The following AAR2 variants were observed in gnomAD, a reference collection of about 807,000 sequenced individuals.
AAR2 encodes AAR2 splicing factor, also known as protein AAR2 homolog.
AAR2 carries 31 observed loss-of-function variants against 26.9 expected under a neutral mutation model. That is an observed-to-expected ratio of 1.15 (90% CI 0.86 to 1.55). The LOEUF (loss-of-function observed/expected upper bound fraction) is 1.55. Ranked by LOEUF, AAR2 falls within the 40% of genes most tolerant of loss-of-function variation. The probability of loss-of-function intolerance (pLI) is 0.00; values close to 1 mark genes in which losing one functional copy is unlikely to be tolerated. For missense variants in AAR2, 430 were observed against 491.3 expected (o/e 0.88, Z 1.18); for synonymous variants, 188 against 196.1 (o/e 0.96, Z 0.34).
Position 36,240,072 on chromosome 20 carries a change from G to T in AAR2, c.204G>T (p.Pro68=). 4 of 1,614,216 alleles carry T rather than the reference G, an allele frequency of 2.5e-6. No homozygotes were observed. The highest frequency in any genetic ancestry group is 3.4e-6 in the Non-Finnish European group (4 of 1,180,026). ...LHYSSVDKAN[P]KEVGPRMGFF... ...ACAGCTCTGTGGACAAGGCTAATCC[G>T]AAGGAAGTAGGCCCTCGTATGGGTT... The change falls in exon 2 of 4, where the codon CCG becomes CCT. Residue 68 remains proline (P), a synonymous_variant. Coordinates refer to ENST00000320849, the MANE Select transcript of AAR2 (RefSeq NM_001271874.2).
At chr20:36,238,207 C>T (rs1308531253) in intron 1 of AAR2, among the ~76,000 whole-genome samples, 3 of 152,180 alleles carry the variant, frequency 2.0e-5, no homozygotes, top group African/African-American at 7.2e-5. Context: ...GAAAACAGTA[C>T]TTAGCTTTAC....
At chr20:36,255,484 C>T in intron 3 of AAR2, 94 bp from the exon 4 acceptor site, 1 of 1,443,578 alleles carries the variant, frequency 6.9e-7, no homozygotes, top group African/African-American at 1.4e-5. Context: ...TCTACCCGCC[C>T]CAGAAGAGCC....
rs375933541 is a variant in AAR2 at position 36,255,647 on chromosome 20, G to A, written c.1057G>A (p.Ala353Thr). The change falls in exon 4 of 4, where the codon GCT (alanine) becomes ACT (threonine). Residue 353 changes from alanine to threonine, a missense_variant. Physicochemically the swap from Ala to Thr is moderately conservative, Grantham distance 58. Transcript: ENST00000320849. ...TLRKKAEKFQ[A>T]HLTKKFRWDF... ...GAGAAAGAAAGCTGAAAAGTTCCAA[G>A]CTCACCTGACCAAGAAGTTCCGGTG... 6.2e-7 allele frequency: 1 copy of A among 1,614,186 alleles called. No individual in the cohort carries two copies. Among genetic ancestry groups the A allele is most frequent in the Non-Finnish European group, 8.5e-7 (1 of 1,180,030 alleles).
chr20:36,247,960 A>G (rs1161661145), intron 3 of AAR2, among the ~76,000 whole-genome samples: 3 of 152,248 alleles, frequency 2.0e-5, no homozygotes, highest in African/African-American at 4.8e-5. Context: ...TCAGTACAGT[A>G]TTAACCATAA....
intron 3 of AAR2, among the ~76,000 whole-genome samples, chr20:36,253,933 A>C (rs1419982572): frequency 3.3e-5 from 5 of 152,244 alleles, no homozygotes; most frequent in Admixed American, 6.5e-5. Flanking sequence ...TTAAACACAC[A>C]GAGAAAATAA....
chr20:36,247,554 C>CT lies in AAR2; in HGVS notation c.987+2633dup, dbSNP rs1233675241. Among the ~76,000 whole-genome samples, 6 of 150,192 alleles carry CT rather than the reference C, an allele frequency of 4.0e-5. No individual in the cohort carries two copies. In the East Asian group the frequency reaches 7.7e-4, roughly 19 times the overall value. On this transcript the variant is annotated intron_variant, in intron 3 of 3. Coordinates refer to ENST00000320849, the MANE Select transcript of AAR2 (RefSeq NM_001271874.2). ...CCTGGACAGGTTATGCTGTTTCATG[C>CT]TTTTTAAAAAAAAAAATTGTTGTAA...
In AAR2 at chr20:36,256,913, A is replaced by G. The variant is rs2064826609; in HGVS notation, c.*1168A>G. On this transcript the variant is annotated 3_prime_UTR_variant, in exon 4 of 4. Transcript: ENST00000320849. ...TTTTTCCAAGAGCATAATGTACATT[A>G]AAGTCTTCGAGTTGAGACAATCCCC... 1 of 152,672 alleles carries G rather than the reference A, an allele frequency of 6.5e-6. No individual in the cohort carries two copies. The highest frequency in any genetic ancestry group is 1.5e-5 in the Non-Finnish European group (1 of 68,046). The allele number at this position is 152,672 out of a possible 1,614,324, so 9.5% of individuals were successfully genotyped here.
At chr20:36,242,143 C>CTTTTTT (rs11333425) in intron 2 of AAR2, among the ~76,000 whole-genome samples, 6 of 102,046 alleles carry the variant, frequency 5.9e-5, no homozygotes, top group African/African-American at 1.3e-4. Context: ...TGTAGGACTT[C>CTTTTTT]TTTTTTTTTT....
At chr20:36,237,558 C>T (rs1393251897) in intron 1 of AAR2, among the ~76,000 whole-genome samples, 1 of 151,814 alleles carries the variant, frequency 6.6e-6, no homozygotes, top group Non-Finnish European at 1.5e-5. Flanking sequence ...GTGCCAGCTG[C>T]TGGAGATATA....
chr20:36,251,404 T>G (rs1317998301), intron 3 of AAR2, among the ~76,000 whole-genome samples: 1 of 151,978 alleles, frequency 6.6e-6, no homozygotes, highest in Non-Finnish European at 1.5e-5. Flanking sequence ...TGTGTGTAAG[T>G]TATACCACAA....
Position 36,255,987 on chromosome 20 carries a change from T to C in AAR2, c.*242T>C, listed in dbSNP as rs2064818145. 3.8e-6 allele frequency: 2 copies of C among 522,298 alleles called. No individual in the cohort carries two copies. The highest frequency in any genetic ancestry group is 3.2e-5 in the East Asian group (1 of 31,396). The allele number at this position is 522,298 out of a possible 1,614,324, so 32.4% of individuals were successfully genotyped here. A position where few individuals can be genotyped will look rare whatever the true frequency, so the allele number is the denominator to read the frequency against. ...AGCCAGGCCTTGGTGCTAACCTGGC[T>C]GAATTTCACACAGGCTCTTACACAC... is the stretch of plus-strand genomic sequence containing the variant. On this transcript the variant is annotated 3_prime_UTR_variant, in exon 4 of 4. Coordinates refer to ENST00000320849, the MANE Select transcript of AAR2 (RefSeq NM_001271874.2).
At chr20:36,239,785 C>G in intron 1 of AAR2, 36 bp from the exon 2 acceptor site, 1 of 1,467,288 alleles carries the variant, frequency 6.8e-7, no homozygotes, top group South Asian at 1.4e-5. Context: ...ATCTTTCCCC[C>G]ACGTTCTGAT....
intron 3 of AAR2, among the ~76,000 whole-genome samples, chr20:36,252,129 A>G (rs563383117): frequency 6.6e-6 from 1 of 152,182 alleles, no homozygotes; most frequent in Non-Finnish European, 1.5e-5. Context: ...TGAGCAGTTC[A>G]TGTCACAAGG....
chr20:36,239,685 A>T, intron 1 of AAR2, 136 bp from the exon 2 acceptor site: 1 of 704,648 alleles, frequency 1.4e-6, no homozygotes, highest in South Asian at 3.0e-5. Flanking sequence ...TGTAAACTCA[A>T]TGCAGGGTTG....
rs1461524873 is a variant in AAR2 at position 36,256,015 on chromosome 20, A to G, written c.*270A>G. ...ATTTCACACAGGCTCTTACACACAC[A>G]CGCTCCTAGGAGACATCTGCCTACA... On this transcript the variant is annotated 3_prime_UTR_variant, in exon 4 of 4. Transcript: ENST00000320849. 2.2e-6 allele frequency: 1 copy of G among 452,004 alleles called. No individual in the cohort carries two copies. Among genetic ancestry groups the G allele is most frequent in the African/African-American group, 2.0e-5 (1 of 51,246 alleles). 28.0% of individuals were successfully genotyped at this position (452,004 alleles called of 1,614,324 possible).
intron 3 of AAR2, among the ~76,000 whole-genome samples, chr20:36,248,101 C>T (rs1190883590): frequency 6.6e-6 from 1 of 152,190 alleles, no homozygotes; most frequent in African/African-American, 2.4e-5. Context: ...CATTCTACAA[C>T]ATGCCCTCAA....
intron 1 of AAR2, 68 bp from the exon 2 acceptor site, chr20:36,239,753 C>T: frequency 7.8e-7 from 1 of 1,278,158 alleles, no homozygotes; most frequent in Non-Finnish European, 1.1e-6. Context: ...CTGGCACATA[C>T]AGAATGCTTA....
Position 36,245,016 on chromosome 20 carries a change from C to T in AAR2, c.987+90C>T, listed in dbSNP as rs1347401240. 2.5e-6 allele frequency: 3 copies of T among 1,219,566 alleles called. No individual in the cohort carries two copies. In the African/African-American group the frequency reaches 4.5e-5, roughly 18 times the overall value. 75.5% of individuals were successfully genotyped at this position (1,219,566 alleles called of 1,614,324 possible). A position where few individuals can be genotyped will look rare whatever the true frequency, so the allele number is the denominator to read the frequency against. The stretch of plus-strand genomic sequence containing the variant: ...TTGTTTCTCGCTATTCTTCCATGAC[C>T]CCAAAATTTTTAAATTTCAGTTTCC... On this transcript the variant is annotated intron_variant, in intron 3 of 3. Coordinates refer to ENST00000320849, the MANE Select transcript of AAR2 (RefSeq NM_001271874.2).
intron 3 of AAR2, among the ~76,000 whole-genome samples, chr20:36,246,937 G>A (rs775625180): frequency 7.9e-5 from 12 of 152,236 alleles, no homozygotes; most frequent in Non-Finnish European, 1.3e-4. Context: ...AAGTGTTGAG[G>A]AATATATATA....
Sources: allele counts gnomAD v4.1 joint callset (sites outside exome capture counted in the v4.1 genomes callset), GRCh38; gene constraint gnomAD v4.1.1; transcripts MANE v1.5; gene names NCBI Gene and HGNC (gene_info 2026-07-23, HGNC 2026-07-21).